The following PLEKHG5 variants were observed in gnomAD, a reference collection of about 807,000 sequenced individuals.
PLEKHG5 encodes pleckstrin homology domain-containing family G member 5.
In PLEKHG5, 52 loss-of-function variants were observed where a neutral mutation model predicts 103.8. The ratio of observed to expected loss-of-function variants is 0.50; its 90% CI spans 0.40 to 0.63. The LOEUF (loss-of-function observed/expected upper bound fraction) is 0.63. PLEKHG5 is among the 30% of genes least tolerant of loss of function. The probability of loss-of-function intolerance (pLI) is 0.00; values close to 1 mark genes in which losing one functional copy is unlikely to be tolerated. For synonymous variants in PLEKHG5, 592 were observed against 575.5 expected (o/e 1.03, Z -0.41); for missense variants, 1,205 against 1,347.6 (o/e 0.89, Z 1.66).
Position 6,468,037 on chromosome 1 carries a change from AG to A in PLEKHG5, c.2798del (p.Pro933LeufsTer9). ...CTAGCCCAGGACCGCTGCCAGGGCT[AG>A]GGGCCCCTCGGCAATCCCAGCTGGG... ...AGPSWDCRGA[P>X]SPGSGPGLVG... On this transcript the variant is annotated frameshift_variant, in exon 20 of 21. Coordinates refer to ENST00000377728, the MANE Select transcript of PLEKHG5 (RefSeq NM_020631.6). LOFTEE classifies it high-confidence loss of function. 1.3e-6 allele frequency: 2 copies of A among 1,558,714 alleles called. No homozygotes were observed. Among genetic ancestry groups the A allele is most frequent in the Non-Finnish European group, 8.7e-7 (1 of 1,153,976 alleles).
At position 6,467,480 on chromosome 1, in the gene PLEKHG5, G is replaced by T; in HGVS notation, c.*83C>A. ...CGGCTCATGCATACAGGAGGCAGTA[G>T]CTGAAGCAGGTGCCGGCACGCCCCA... On this transcript the variant is annotated 3_prime_UTR_variant, in exon 21 of 21. Transcript: ENST00000377728. 7.6e-7 allele frequency: 1 copy of T among 1,307,190 alleles called. No individual in the cohort carries two copies. The highest frequency in any genetic ancestry group is 1.1e-6 in the Non-Finnish European group (1 of 901,010). The allele number at this position is 1,307,190 out of a possible 1,614,324, so 81.0% of individuals were successfully genotyped here. A position where few individuals can be genotyped will look rare whatever the true frequency, so the allele number is the denominator to read the frequency against.
intron 12 of PLEKHG5, 79 bp downstream of exon 12, chr1:6,471,409 G>T: frequency 6.8e-7 from 1 of 1,476,246 alleles, no homozygotes; most frequent in South Asian, 1.3e-5. Flanking sequence ...ATGCTGGGCA[G>T]ACCGGATCGG....
At chr1:6,496,958 C>T (rs1362459916), upstream of PLEKHG5, 1 of 1,528,070 alleles carries the variant, frequency 6.5e-7, no homozygotes, top group Admixed American at 2.0e-5. Context: ...GAGAACCTTA[C>T]GCCCTGCATC....
chr1:6,492,396 C>T (rs913867643), upstream of PLEKHG5, among the ~76,000 whole-genome samples: 6 of 152,136 alleles, frequency 3.9e-5, no homozygotes, highest in South Asian at 6.2e-4. Context: ...CACACTGTCC[C>T]GTGGCCACCT....
At chr1:6,467,677 G>A in intron 20 of PLEKHG5, 105 bp from the exon 21 acceptor site, 1 of 1,446,464 alleles carries the variant, frequency 6.9e-7, no homozygotes. Flanking sequence ...CTTCACTGCT[G>A]CCCACCACAG....
rs1644593485 is a variant in PLEKHG5 at position 6,471,655 on chromosome 1, TGC to T, written c.1132-20_1132-19del. On this transcript the variant is annotated intron_variant, in intron 11 of 20. Coordinates refer to ENST00000377728, the MANE Select transcript of PLEKHG5 (RefSeq NM_020631.6). ...GCCTCCACCTGGGCGCGGCGGGAGG[TGC>T]GGTTGGCCACGCCCCTCCGCCAGGT... The T allele has an allele frequency of 3.2e-6, 5 of 1,563,652 alleles. No individual in the cohort carries two copies. The East Asian group carries it at 1.2e-4, about 37-fold the overall frequency.
At chr1:6,502,037 GC>G (rs2148631215) in intron 1 of PLEKHG5, among the ~76,000 whole-genome samples, 2 of 152,350 alleles carry the variant, frequency 1.3e-5, no homozygotes, top group South Asian at 4.1e-4. Flanking sequence ...GTCCCCTCCC[GC>G]GTGAGCCCCA....
chr1:6,506,927 C>T (rs1020056882), intron 1 of PLEKHG5, among the ~76,000 whole-genome samples: 1 of 152,202 alleles, frequency 6.6e-6, no homozygotes, highest in Non-Finnish European at 1.5e-5. Flanking sequence ...CCTAGGCAGC[C>T]GAACCTCTGG....
At chr1:6,492,603 C>A (rs1199839702), upstream of PLEKHG5, among the ~76,000 whole-genome samples, 1 of 152,110 alleles carries the variant, frequency 6.6e-6, no homozygotes, top group Non-Finnish European at 1.5e-5. Flanking sequence ...TCCCAGGACA[C>A]CTTGCACACC....
rs1386948691 is a variant in PLEKHG5 at position 6,506,165 on chromosome 1, G to A, written c.-164-9596C>T. On this transcript the variant is annotated intron_variant, in intron 1 of 21. Coordinates refer to the PLEKHG5 transcript ENST00000377740. ...TCCTCCAGTAGAGAAACATGCTGAG[G>A]CCAGGGGAGGCCGCCCCGCCTGGCC... is the stretch of plus-strand genomic sequence containing the variant. 3 of 152,624 alleles carry A rather than the reference G, an allele frequency of 2.0e-5. No homozygotes were observed. The East Asian group carries it at 5.8e-4, about 29-fold the overall frequency. 9.5% of individuals were successfully genotyped at this position (152,624 alleles called of 1,614,324 possible). A position where few individuals can be genotyped will look rare whatever the true frequency, so the allele number is the denominator to read the frequency against.
At position 6,468,546 on chromosome 1, in the gene PLEKHG5, C is replaced by A; in HGVS notation, c.2290G>T (p.Val764Leu). 1 of 1,613,010 alleles carries A rather than the reference C, an allele frequency of 6.2e-7. No homozygotes were observed. Among genetic ancestry groups the A allele is most frequent in the Non-Finnish European group, 8.5e-7 (1 of 1,179,974 alleles). Reference protein sequence around the residue: ...GSTETLAMVVVEPGDTLSSPE... With the variant: ...GSTETLAMVVLEPGDTLSSPE... ...GAGGACAGCGTGTCCCCAGGCTCTA[C>A]CACAACCATGGCCAGGGTCTCCGTG... is the stretch of plus-strand genomic sequence containing the variant. Residue 764 changes from valine to leucine, a missense_variant, in exon 20 of 21, where the codon GTA becomes TTA. Physicochemically the swap from Val to Leu is conservative, Grantham distance 32 (BLOSUM62 1). Coordinates refer to ENST00000377728, the MANE Select transcript of PLEKHG5 (RefSeq NM_020631.6).
intron 1 of PLEKHG5, among the ~76,000 whole-genome samples, chr1:6,519,103 A>C (rs1252498213): frequency 6.6e-6 from 1 of 152,136 alleles, no homozygotes; most frequent in Non-Finnish European, 1.5e-5. Flanking sequence ...CGGCCTCCCA[A>C]AGTGCTGGGA....
At chr1:6,484,497 A>G (rs926660591) in intron 1 of PLEKHG5, among the ~76,000 whole-genome samples, 16 of 152,198 alleles carry the variant, frequency 1.1e-4, no homozygotes, top group Admixed American at 4.6e-4. Context: ...GCCCCCCGGG[A>G]GAACCATGAG....
chr1:6,510,858 G>A (rs574811391), intron 1 of PLEKHG5, among the ~76,000 whole-genome samples: 258 of 152,160 alleles, frequency 1.7e-3, no homozygotes, highest in African/African-American at 5.6e-3. Context: ...AGGCCAAGGC[G>A]GGTGGGGATC....
chr1:6,509,922 C>G (rs753634134), intron 1 of PLEKHG5, among the ~76,000 whole-genome samples: 2 of 152,180 alleles, frequency 1.3e-5, no homozygotes, highest in Non-Finnish European at 2.9e-5. Flanking sequence ...AACAAGAGCC[C>G]CGTTCCTCCC....
chr1:6,496,974 C>T (rs768777482), upstream of PLEKHG5: 2 of 1,529,792 alleles, frequency 1.3e-6, no homozygotes, highest in South Asian at 2.4e-5. Flanking sequence ...GCATCGCTCC[C>T]TTTAGAGACA....
Position 6,468,526 on chromosome 1 carries a change from C to G in PLEKHG5, c.2310G>C (p.Leu770=). Residue 770 remains leucine, a synonymous_variant, in exon 20 of 21, where the codon CTG becomes CTC. Transcript: ENST00000377728. ...GACCGCTGTCGAACTCGGGGGAGGA[C>G]AGCGTGTCCCCAGGCTCTACCACAA... ...AMVVVEPGDT[L]SSPEFDSGPF... is the part of the protein sequence containing the mutation. The G allele has an allele frequency of 6.2e-7, 1 of 1,612,872 alleles. No individual in the cohort carries two copies. Among genetic ancestry groups the G allele is most frequent in the Non-Finnish European group, 8.5e-7 (1 of 1,179,842 alleles).
rs989429972 is a variant in PLEKHG5, at chr1:6,490,374, G to T, written c.-88+1263C>A. ...ATCTCGAATCCGGGTTCTGTCCATCGGTTTAGGGGGGTCCTGGCGCCTAGT... is the reference window on the plus strand; with the variant it reads ...ATCTCGAATCCGGGTTCTGTCCATCTGTTTAGGGGGGTCCTGGCGCCTAGT... On this transcript the variant is annotated intron_variant, in intron 1 of 20. Coordinates refer to ENST00000377728, the MANE Select transcript of PLEKHG5 (RefSeq NM_020631.6). This position sits in a 1 kb window ranked among gnomAD's most constrained non-coding sequence, Gnocchi z 8.0. 4.6e-6 allele frequency: 4 copies of T among 861,942 alleles called. No individual in the cohort carries two copies. Among genetic ancestry groups the T allele is most frequent in the East Asian group, 2.4e-4 (2 of 8,208 alleles). 53.4% of individuals were successfully genotyped at this position (861,942 alleles called of 1,614,324 possible). A position where few individuals can be genotyped will look rare whatever the true frequency, so the allele number is the denominator to read the frequency against.
At chr1:6,518,222 G>A (rs1304163664) in intron 1 of PLEKHG5, among the ~76,000 whole-genome samples, 1 of 151,684 alleles carries the variant, frequency 6.6e-6, no homozygotes, top group African/African-American at 2.4e-5. Flanking sequence ...GTGAGCCACT[G>A]CGCCCGGCCG....
Sources: gnomAD v4.1 joint callset for allele counts (sites outside exome capture counted in the v4.1 genomes callset) on GRCh38, gnomAD v4.1.1 for gene constraint, Gnocchi (gnomAD v3.1) non-coding constraint, MANE v1.5 for transcripts, NCBI Gene and HGNC (gene_info 2026-07-23, HGNC 2026-07-21) for gene names.